CLMN: variants seen among roughly 807,000 people sequenced by gnomAD.
CLMN encodes the protein calmin.
CLMN carries 57 observed loss-of-function variants against 92.7 expected under a neutral mutation model. The observed-to-expected ratio is 0.61, with a 90% CI of 0.50 to 0.77. The LOEUF (loss-of-function observed/expected upper bound fraction) is 0.77, where lower values mean the gene tolerates loss of function less well. CLMN is among the 30% of genes least tolerant of loss of function. The probability of loss-of-function intolerance (pLI) is 0.00; values close to 1 mark genes in which losing one functional copy is unlikely to be tolerated. For missense variants in CLMN, 1,158 were observed against 1,237.5 expected, an observed-to-expected ratio of 0.94 and a Z score of 0.96; for synonymous variants, 466 against 470.6, an observed-to-expected ratio of 0.99 and a Z score of 0.13.
intron 1 of CLMN, among the ~76,000 whole-genome samples, chr14:95,242,250 CTTTT>C (rs371417505): frequency 1.0e-3 from 94 of 92,556 alleles, no homozygotes; most frequent in East Asian, 2.2e-3. Flanking sequence ...TTTTCTTTTT[CTTTT>C]TTTTTTTTTT....
At chr14:95,213,112 A>G (rs895691826) in intron 6 of CLMN, 107 bp downstream of exon 6, 2 of 1,212,534 alleles carry the variant, frequency 1.6e-6, no homozygotes, top group African/African-American at 3.1e-5. Context: ...TATATGAAGC[A>G]ATGGGCACAT....
chr14:95,283,721 A>C (rs2140745154), intron 1 of CLMN, among the ~76,000 whole-genome samples: 1 of 152,342 alleles, frequency 6.6e-6, no homozygotes, highest in South Asian at 2.1e-4. Context: ...AAGATGATTT[A>C]GGTATCTGGT....
intron 3 of CLMN, 136 bp downstream of exon 3, chr14:95,223,624 A>T: frequency 1.6e-6 from 1 of 608,806 alleles, no homozygotes; most frequent in Non-Finnish European, 2.8e-6. Flanking sequence ...TATGGCTTGT[A>T]GGCACTAATA....
intron 4 of CLMN, among the ~76,000 whole-genome samples, chr14:95,218,498 G>A (rs1028199580): frequency 2.6e-5 from 4 of 152,242 alleles, no homozygotes; most frequent in African/African-American, 9.6e-5. Context: ...GGACCTGGCT[G>A]CTGCCTGGCA....
rs147269035 is a variant in CLMN, at chr14:95,217,740, G to A, written c.325-2007C>T. Among the ~76,000 whole-genome samples, 915 of 152,358 alleles carry A rather than the reference G, an allele frequency of 6.0e-3. 6 individuals carry two copies. Among genetic ancestry groups the A allele is most frequent in the African/African-American group, 0.02 (852 of 41,584 alleles). On this transcript the variant is annotated intron_variant, in intron 4 of 12. Transcript: ENST00000298912. Reference sequence around the variant, plus strand: ...TGGCCTTCCCTTTCACCTGGGGGAAGCCCAAATGGCAAGTGACAGCTGTGG... The same window carrying A: ...TGGCCTTCCCTTTCACCTGGGGGAAACCCAAATGGCAAGTGACAGCTGTGG...
At chr14:95,244,768 T>G (rs1337784489) in intron 1 of CLMN, among the ~76,000 whole-genome samples, 1 of 152,014 alleles carries the variant, frequency 6.6e-6, no homozygotes, top group African/African-American at 2.4e-5. Context: ...AACACACTAG[T>G]GCGCTAAAAG....
chr14:95,194,021 T>C lies in CLMN; in HGVS notation c.2770-102A>G. On this transcript the variant is annotated intron_variant, in intron 11 of 12. Coordinates refer to ENST00000298912, the MANE Select transcript of CLMN (RefSeq NM_024734.4). The surrounding 1 kb of genome is among the most constrained non-coding windows in gnomAD (Gnocchi z 4.0). ...GATTTTAAACACACAAAGCCGAGCA[T>C]GCCGGGCATTTCTCAATACCGCCAG... The C allele has an allele frequency of 6.5e-7, 1 of 1,532,516 alleles. No homozygotes were observed. Among genetic ancestry groups the C allele is most frequent in the Non-Finnish European group, 8.8e-7 (1 of 1,142,684 alleles). 94.9% of individuals were successfully genotyped at this position (1,532,516 alleles called of 1,614,324 possible). A position where few individuals can be genotyped will look rare whatever the true frequency, so the allele number is the denominator to read the frequency against.
In CLMN at chr14:95,274,703, G is replaced by A. The variant is rs187932011; in HGVS notation, c.83-44570C>T. Among the ~76,000 whole-genome samples the A allele has an allele frequency of 3.5e-3, 540 of 152,258 alleles. 4 individuals carry two copies. Among genetic ancestry groups the A allele is most frequent in the Middle Eastern group, 6.8e-3 (2 of 294 alleles). On this transcript the variant is annotated intron_variant, in intron 1 of 12. Transcript: ENST00000298912. ...GTATTATTATATGATAGTCACAGCCGGGCGCGGTGGCTCACGCCTGTAATC... is the reference window on the plus strand; with the variant it reads ...GTATTATTATATGATAGTCACAGCCAGGCGCGGTGGCTCACGCCTGTAATC...
chr14:95,304,951 G>A (rs1901214885), intron 1 of CLMN, among the ~76,000 whole-genome samples: 1 of 152,184 alleles, frequency 6.6e-6, no homozygotes, highest in African/African-American at 2.4e-5. Context: ...TTCCAGTCAG[G>A]AAGGACACCC....
Position 95,202,912 on chromosome 14 carries a change from G to T in CLMN, c.2437C>A (p.Pro813Thr), listed in dbSNP as rs1370403208. The stretch of plus-strand genomic sequence containing the variant: ...TCCTCATGGGGGGCCAGTGGAGCGG[G>T]TTCTGAGGCTGGTGTGGTACCCACA... ...GGVGTTPASEPAPLAPHEDHQ... is the reference protein window; with the variant it reads ...GGVGTTPASETAPLAPHEDHQ... Residue 813 changes from proline to threonine, a missense_variant, in exon 9 of 13, where the codon CCC (proline) becomes ACC (threonine). Pro to Thr is a conservative substitution (Grantham distance 38). Transcript: ENST00000298912. 1 of 1,596,472 alleles carries T rather than the reference G, an allele frequency of 6.3e-7. No individual in the cohort carries two copies. The highest frequency in any genetic ancestry group is 8.5e-7 in the Non-Finnish European group (1 of 1,173,888).
At chr14:95,299,529 T>C (rs1038814561) in intron 1 of CLMN, among the ~76,000 whole-genome samples, 5 of 152,158 alleles carry the variant, frequency 3.3e-5, no homozygotes, top group African/African-American at 4.8e-5. Context: ...AGGGCTGCTG[T>C]CCACAAGGAC....
chr14:95,243,003 T>A (rs1240247290), intron 1 of CLMN, among the ~76,000 whole-genome samples: 1 of 152,230 alleles, frequency 6.6e-6, no homozygotes, highest in Non-Finnish European at 1.5e-5. Flanking sequence ...TTGAAGGCCC[T>A]ATGGTCTTTG....
Position 95,194,460 on chromosome 14 carries a change from G to C in CLMN, c.2769+76C>G. Reference sequence around the variant, plus strand: ...GCATGCCAGTAATTTCAAAGCTCTGGGCTGGGGAGGAGGAAGGATGGAAAG... The same window carrying C: ...GCATGCCAGTAATTTCAAAGCTCTGCGCTGGGGAGGAGGAAGGATGGAAAG... On this transcript the variant is annotated intron_variant, in intron 11 of 12. Coordinates refer to ENST00000298912, the MANE Select transcript of CLMN (RefSeq NM_024734.4). The surrounding 1 kb of genome is among the most constrained non-coding windows in gnomAD (Gnocchi z 4.0). 1 of 1,610,730 alleles carries C rather than the reference G, an allele frequency of 6.2e-7. No individual in the cohort carries two copies. Among genetic ancestry groups the C allele is most frequent in the Admixed American group, 1.7e-5 (1 of 59,894 alleles).
In CLMN at chr14:95,296,168, C is replaced by T. The variant is rs1900801683; in HGVS notation, c.82+23543G>A. ...GGCTGGGCAGTCCAAGAACACAGCA[C>T]TGGAATCTGCTGGTGCATCATCCCA... On this transcript the variant is annotated intron_variant, in intron 1 of 12. Transcript: ENST00000298912. 8 of 152,386 alleles carry T rather than the reference C, an allele frequency of 5.2e-5. No homozygotes were observed. The South Asian group carries it at 1.7e-3, about 32-fold the overall frequency. 9.4% of individuals were successfully genotyped at this position (152,386 alleles called of 1,614,324 possible). A position where few individuals can be genotyped will look rare whatever the true frequency, so the allele number is the denominator to read the frequency against.
rs1331965539 is a variant in CLMN at position 95,187,748 on chromosome 14, G to C, written c.*3816C>G. ...CACTGAGTATAGACCAGGGTCTCTG[G>C]ATATGGTCCTACAGTTGTGCATTGC... On this transcript the variant is annotated 3_prime_UTR_variant, in exon 13 of 13. Transcript: ENST00000298912. 6.6e-6 allele frequency: 1 copy of C among 152,276 alleles called. No homozygotes were observed. 9.4% of individuals were successfully genotyped at this position (152,276 alleles called of 1,614,324 possible).
intron 1 of CLMN, among the ~76,000 whole-genome samples, chr14:95,261,014 G>A (rs558682455): frequency 1.3e-5 from 2 of 152,190 alleles, no homozygotes; most frequent in African/African-American, 4.8e-5. Flanking sequence ...TATTGAATAT[G>A]CATTGATGAC....
chr14:95,211,201 T>C (rs552138248), intron 6 of CLMN, among the ~76,000 whole-genome samples: 1 of 152,300 alleles, frequency 6.6e-6, no homozygotes, highest in African/African-American at 2.4e-5. Flanking sequence ...ACATGGAATG[T>C]GCTGTGCCAT....
chr14:95,221,751 C>A lies in CLMN; in HGVS notation c.264G>T (p.Ser88=). The A allele has an allele frequency of 6.2e-7, 1 of 1,614,102 alleles. No individual in the cohort carries two copies. The highest frequency in any genetic ancestry group is 8.5e-7 in the Non-Finnish European group (1 of 1,180,018). ...RNLLHEYKSS[S]HRIFRLNNIA... is the part of the protein sequence containing the mutation. ...TGTTGTTCAACCGAAAAATACGATGCGACGAGGATTTGTATTCGTGCAGCT... is the reference window on the plus strand; with the variant it reads ...TGTTGTTCAACCGAAAAATACGATGAGACGAGGATTTGTATTCGTGCAGCT... The change falls in exon 4 of 13, where the codon TCG becomes TCT. Residue 88 remains serine (S), a synonymous_variant. Coordinates refer to ENST00000298912, the MANE Select transcript of CLMN (RefSeq NM_024734.4).
At position 95,227,601 on chromosome 14, in the gene CLMN, T is replaced by C. The variant is rs144399143; in HGVS notation, c.144+2471A>G. ...CCTGAAGAATAATTTCCATTGACAG[T>C]TCCTATAAGAGCCTCAGCAGCAGCA... On this transcript the variant is annotated intron_variant, in intron 2 of 12. Transcript: ENST00000298912. Among the ~76,000 whole-genome samples the C allele has an allele frequency of 7.2e-5, 11 of 152,330 alleles. No homozygotes were observed. The East Asian group carries it at 1.9e-3, about 27-fold the overall frequency.
Sources: allele counts gnomAD v4.1 joint callset (sites outside exome capture counted in the v4.1 genomes callset), GRCh38; gene constraint gnomAD v4.1.1; non-coding constraint Gnocchi (gnomAD v3.1); transcripts MANE v1.5; gene names NCBI Gene and HGNC (gene_info 2026-07-23, HGNC 2026-07-21).